ZNF732: variants seen among roughly 807,000 people sequenced by gnomAD.
The protein encoded by ZNF732 is zinc finger protein LOC654254.
Under a neutral mutation model 11.5 loss-of-function variants are expected in ZNF732, and 12 were observed. The ratio of observed to expected loss-of-function variants is 1.05; its 90% confidence interval spans 0.67 to 1.70. ZNF732 has a LOEUF of 1.70. Among genes scored for constraint, ZNF732 ranks in the 40% most tolerant of loss-of-function variants. The pLI, the probability that ZNF732 is intolerant of heterozygous loss-of-function variation, is 0.00. For missense variants in ZNF732, 702 were observed against 676.9 expected (o/e 1.04, Z -0.41); for synonymous variants, 231 against 236.5 (o/e 0.98, Z 0.21).
chr4:299,404 T>C (rs1720039276), intron 1 of ZNF732, among the ~76,000 whole-genome samples: 1 of 5,816 alleles, frequency 1.7e-4, no homozygotes, highest in African/African-American at 2.7e-4. Flanking sequence ...CACATATGTG[T>C]ATATATATAT....
chr4:294,647 G>A (rs189981939), intron 3 of ZNF732, among the ~76,000 whole-genome samples: 2 of 152,244 alleles, frequency 1.3e-5, no homozygotes, highest in East Asian at 1.9e-4. Context: ...GCTTATCTAA[G>A]GTGGTGGATA....
At chr4:275,555 G>C (rs1178105984) in intron 3 of ZNF732, among the ~76,000 whole-genome samples, 1 of 151,656 alleles carries the variant, frequency 6.6e-6, no homozygotes, top group Non-Finnish European at 1.5e-5. Flanking sequence ...TGAACAGCTA[G>C]ATCAACTAAA....
At chr4:289,060 A>C (rs1403858411) in intron 3 of ZNF732, among the ~76,000 whole-genome samples, 1 of 152,256 alleles carries the variant, frequency 6.6e-6, no homozygotes, top group Non-Finnish European at 1.5e-5. Flanking sequence ...GGAGGCCCCA[A>C]AAAGCTTCCA....
At chr4:291,379 C>T (rs1719840614) in intron 3 of ZNF732, among the ~76,000 whole-genome samples, 1 of 151,950 alleles carries the variant, frequency 6.6e-6, no homozygotes, top group African/African-American at 2.4e-5. Context: ...ATATACCTAG[C>T]CCAACATACA....
intron 3 of ZNF732, among the ~76,000 whole-genome samples, chr4:281,293 G>A (rs940607952): frequency 2.0e-5 from 3 of 152,212 alleles, no homozygotes; most frequent in African/African-American, 7.2e-5. Flanking sequence ...GGTCTCAGCT[G>A]TGTATCCTGA....
Position 272,633 on chromosome 4 carries a change from G to T in ZNF732, c.227-3C>A. The stretch of plus-strand genomic sequence containing the variant: ...TTGGGTGAAATGAGAACACACAGCT[G>T]AAAGAAATAAAAATAAATTATCCTG... On this transcript the variant is annotated splice_region_variant and splice_polypyrimidine_tract_variant and intron_variant, in intron 3 of 3. Coordinates refer to ENST00000419098, the MANE Select transcript of ZNF732 (RefSeq NM_001137608.3). 1 of 1,491,742 alleles carries T rather than the reference G, an allele frequency of 6.7e-7. No homozygotes were observed. The allele number at this position is 1,491,742 out of a possible 1,614,324, so 92.4% of individuals were successfully genotyped here. A position where few individuals can be genotyped will look rare whatever the true frequency, so the allele number is the denominator to read the frequency against.
chr4:298,813 CG>C, intron 1 of ZNF732, among the ~76,000 whole-genome samples: 1 of 152,146 alleles, frequency 6.6e-6, no homozygotes, highest in Non-Finnish European at 1.5e-5. Context: ...TAAGAGTTTA[CG>C]GGGAGGCATT....
intron 3 of ZNF732, among the ~76,000 whole-genome samples, chr4:288,089 T>C (rs1719768674): frequency 6.6e-6 from 1 of 152,228 alleles, no homozygotes; most frequent in Non-Finnish European, 1.5e-5. Context: ...CATTTTCATC[T>C]CTTGTCTATT....
intron 3 of ZNF732, among the ~76,000 whole-genome samples, chr4:274,538 G>A (rs1553838409): frequency 6.6e-6 from 1 of 151,562 alleles, no homozygotes; most frequent in East Asian, 1.9e-4. Context: ...AAATATTTAT[G>A]AAGTAAAGTT....
Position 272,164 on chromosome 4 carries a change from G to A in ZNF732, c.693C>T (p.Ile231=), listed in dbSNP as rs1719395058. 2 of 1,613,400 alleles carry A rather than the reference G, an allele frequency of 1.2e-6. No individual in the cohort carries two copies. Among genetic ancestry groups the A allele is most frequent in the Non-Finnish European group, 8.5e-7 (1 of 1,179,652 alleles). ...TAGCAAAGTTTGAGGATGTGGTAAA[G>A]ATGTTGCCACATTCTTCACATGTGA... ...KPFTCEECGN[I]FTTSSNFAKH... is the part of the protein sequence containing the mutation. The change falls in exon 4 of 4, where the codon ATC becomes ATT. Residue 231 remains isoleucine (I), a synonymous_variant. Coordinates refer to ENST00000419098, the MANE Select transcript of ZNF732 (RefSeq NM_001137608.3).
intron 2 of ZNF732, 96 bp from the exon 3 acceptor site, chr4:295,629 C>CTAATTAATTAATTACATAATTAATTAAT: frequency 9.3e-7 from 1 of 1,070,522 alleles, no homozygotes; most frequent in Non-Finnish European, 1.3e-6. Context: ...ATGGAAGATC[C>CTAATTAATTAATTACATAATTAATTAAT]TACATAATTA....
chr4:290,495 C>G (rs540794738), intron 3 of ZNF732, among the ~76,000 whole-genome samples: 1 of 152,282 alleles, frequency 6.6e-6, no homozygotes, highest in East Asian at 1.9e-4. Flanking sequence ...AGATCCTGGC[C>G]TCAGCTGTGG....
rs2108650682 is a variant in ZNF732, at chr4:271,504, A to C, written c.1353T>G (p.Cys451Trp). The change falls in exon 4 of 4, where the codon TGT becomes TGG. Residue 451 changes from cysteine (C) to tryptophan (W), a missense_variant. By Grantham distance (215) the Cys-to-Trp change is radical (BLOSUM62 -2). Transcript: ENST00000419098. ...TGEKPYKCEE[C>W]GKAFGWSAYL... ...ATGCAGACCATCCAAAGGCTTTGCC[A>C]CACTCTTCACATTTGTAAGGTTTCT... 1 of 1,611,380 alleles carries C rather than the reference A, an allele frequency of 6.2e-7. No individual in the cohort carries two copies. The highest frequency in any genetic ancestry group is 1.1e-5 in the South Asian group (1 of 90,356).
At position 270,718 on chromosome 4, in the gene ZNF732, T is replaced by C. The variant is rs1581528512; in HGVS notation, c.*381A>G. On this transcript the variant is annotated 3_prime_UTR_variant, in exon 4 of 4. Coordinates refer to ENST00000419098, the MANE Select transcript of ZNF732 (RefSeq NM_001137608.3). Reference sequence around the variant, plus strand: ...TCCATTATGAATTTTCTCATGTTTATTTATGGGTGAGGACCGTTTATAGGC... The same window carrying C: ...TCCATTATGAATTTTCTCATGTTTACTTATGGGTGAGGACCGTTTATAGGC... 2.4e-6 allele frequency: 1 copy of C among 410,366 alleles called. No individual in the cohort carries two copies. The highest frequency in any genetic ancestry group is 4.7e-6 in the Non-Finnish European group (1 of 210,780). The allele number at this position is 410,366 out of a possible 1,614,324, so 25.4% of individuals were successfully genotyped here.
In ZNF732 at chr4:271,951, T is replaced by C. The variant is rs781995953; in HGVS notation, c.906A>G (p.Gly302=). The change falls in exon 4 of 4, where the codon GGA becomes GGG. Residue 302 remains glycine (G), a synonymous_variant. Coordinates refer to ENST00000419098, the MANE Select transcript of ZNF732 (RefSeq NM_001137608.3). ...ATTCCTGACATTTGTAGAGTTTCTC[T>C]CCGGTATGAATTTTCTTATGTTTGG... The part of the protein sequence containing the change: ...NVAKHKKIHT[G]EKLYKCQECG... The C allele has an allele frequency of 6.2e-7, 1 of 1,607,870 alleles. No individual in the cohort carries two copies. Among genetic ancestry groups the C allele is most frequent in the South Asian group, 1.1e-5 (1 of 90,536 alleles).
chr4:287,640 T>A (rs566907593), intron 3 of ZNF732, among the ~76,000 whole-genome samples: 29 of 151,378 alleles, frequency 1.9e-4, no homozygotes, highest in Admixed American at 7.2e-4. Flanking sequence ...GTTTGAAAAA[T>A]ATATATATAT....
intron 3 of ZNF732, among the ~76,000 whole-genome samples, chr4:276,867 C>CA (rs201827534): frequency 4.8e-4 from 69 of 145,182 alleles, no homozygotes; most frequent in Admixed American, 9.0e-4. Context: ...AAGGGGGGGA[C>CA]AAAAAAAAAC....
chr4:302,687 CAAAA>C (rs1426999108), intron 1 of ZNF732, among the ~76,000 whole-genome samples: 1 of 151,946 alleles, frequency 6.6e-6, no homozygotes, highest in African/African-American at 2.4e-5. Context: ...AAGTTTGACT[CAAAA>C]AAGACAAATG....
Position 280,245 on chromosome 4 carries a change from T to C in ZNF732, c.227-7615A>G, listed in dbSNP as rs1272710409. The stretch of plus-strand genomic sequence containing the variant: ...CAGTTTTCAACTGTGACTATGTACT[T>C]ATGAAGATCCAGCATTTTGAATCTT... On this transcript the variant is annotated intron_variant, in intron 3 of 3. Transcript: ENST00000419098. 6.7e-5 allele frequency among the ~76,000 whole-genome samples: 10 copies of C among 150,260 alleles called. No homozygotes were observed. In the South Asian group the frequency reaches 1.1e-3, roughly 16 times the overall value.
Sources: allele counts gnomAD v4.1 joint callset (sites outside exome capture counted in the v4.1 genomes callset), GRCh38; gene constraint gnomAD v4.1.1; transcripts MANE v1.5; gene names NCBI Gene and HGNC (gene_info 2026-07-23, HGNC 2026-07-21).